GRID1: variants seen among roughly 807,000 people sequenced by gnomAD.
GRID1 encodes the protein glutamate receptor ionotropic, delta-1.
A neutral mutation model predicts 98.0 loss-of-function variants in GRID1; 28 were observed. That is an observed-to-expected ratio of 0.29 (90% CI 0.21 to 0.39). The LOEUF (loss-of-function observed/expected upper bound fraction) is 0.39. GRID1 is among the 10% of genes least tolerant of loss of function. The pLI, the probability that GRID1 is intolerant of heterozygous loss-of-function variation, is 1.00. For synonymous variants in GRID1, 553 were observed against 538.5 expected (o/e 1.03, Z -0.37); for missense variants, 1,111 against 1,340.5 (o/e 0.83, Z 2.67).
intron 5 of GRID1, among the ~76,000 whole-genome samples, chr10:85,874,699 T>C (rs2131797575): frequency 6.6e-6 from 1 of 152,356 alleles, no homozygotes; most frequent in Admixed American, 6.5e-5. Flanking sequence ...AGGCTGGCTT[T>C]GTAGCTTACC....
At chr10:85,696,947 T>C (rs1026822281) in intron 12 of GRID1, among the ~76,000 whole-genome samples, 1 of 152,076 alleles carries the variant, frequency 6.6e-6, no homozygotes, top group Non-Finnish European at 1.5e-5. Context: ...AGATTGTTTA[T>C]TTTTATTGAT....
intron 6 of GRID1, among the ~76,000 whole-genome samples, chr10:85,858,703 C>T (rs1456378529): frequency 6.6e-6 from 1 of 152,162 alleles, no homozygotes; most frequent in African/African-American, 2.4e-5. Context: ...TTTCTCTTCT[C>T]AAGACATTCA....
chr10:85,898,039 A>T (rs1280260714), intron 5 of GRID1, among the ~76,000 whole-genome samples: 1 of 152,216 alleles, frequency 6.6e-6, no homozygotes, highest in Non-Finnish European at 1.5e-5. Flanking sequence ...AGAACATCAT[A>T]GAGGGTACTT....
intron 4 of GRID1, among the ~76,000 whole-genome samples, chr10:85,948,078 A>G (rs150477948): frequency 6.6e-6 from 1 of 152,364 alleles, no homozygotes; most frequent in African/African-American, 2.4e-5. Context: ...GGACATTAGT[A>G]GAAAAACTAG....
intron 5 of GRID1, among the ~76,000 whole-genome samples, chr10:85,903,958 C>T (rs1172165336): frequency 6.6e-6 from 1 of 152,154 alleles, no homozygotes; most frequent in Non-Finnish European, 1.5e-5. Flanking sequence ...CTTCTCCCAA[C>T]AGATTTCTCA....
At chr10:86,078,656 C>T (rs1349054989) in intron 4 of GRID1, among the ~76,000 whole-genome samples, 1 of 152,254 alleles carries the variant, frequency 6.6e-6, no homozygotes, top group South Asian at 2.1e-4. Context: ...CCTTCAGCAC[C>T]GGACCCTTCC....
At chr10:85,909,028 A>G (rs577975388) in intron 5 of GRID1, among the ~76,000 whole-genome samples, 3 of 152,358 alleles carry the variant, frequency 2.0e-5, no homozygotes, top group East Asian at 3.9e-4. Flanking sequence ...TACAAAGTAT[A>G]TATCTGATTT....
At chr10:86,218,885 C>T (rs184024062) in intron 2 of GRID1, among the ~76,000 whole-genome samples, 167 of 152,362 alleles carry the variant, frequency 1.1e-3, no homozygotes, top group African/African-American at 3.8e-3. Flanking sequence ...GGACCCCCAG[C>T]TCTGGATGCC....
At chr10:85,776,201 A>G (rs760187365) in intron 8 of GRID1, among the ~76,000 whole-genome samples, 3 of 152,126 alleles carry the variant, frequency 2.0e-5, no homozygotes, top group Non-Finnish European at 4.4e-5. Flanking sequence ...CTGCTCCAAG[A>G]GAAGACTACA....
chr10:85,985,727 A>C (rs1017187781), intron 4 of GRID1, among the ~76,000 whole-genome samples: 4 of 152,108 alleles, frequency 2.6e-5, no homozygotes, highest in African/African-American at 9.7e-5. Context: ...CCATCTTTCT[A>C]CTGGACCTCA....
intron 2 of GRID1, among the ~76,000 whole-genome samples, chr10:86,263,080 C>T (rs1463011797): frequency 6.6e-6 from 1 of 152,152 alleles, no homozygotes; most frequent in Non-Finnish European, 1.5e-5. Flanking sequence ...TGTTCGCGGG[C>T]CCGGGTGCTG....
intron 4 of GRID1, among the ~76,000 whole-genome samples, chr10:86,116,539 G>A (rs79758153): frequency 0.029 from 4,380 of 152,232 alleles, 225 homozygotes; most frequent in African/African-American, 0.1. Context: ...CTGCTTGTGG[G>A]AGAACGATGG....
chr10:85,818,385 T>G (rs185680353), intron 8 of GRID1, among the ~76,000 whole-genome samples: 74 of 152,344 alleles, frequency 4.9e-4, no homozygotes, highest in African/African-American at 1.8e-3. Context: ...TGTGTGTGCA[T>G]ACATGAGTTA....
In GRID1 at chr10:86,349,295, G is replaced by T. The variant is rs146837580; in HGVS notation, c.235+14646C>A. 7.5e-3 allele frequency among the ~76,000 whole-genome samples: 1,135 copies of T among 152,338 alleles called. 15 individuals are homozygous for T. Among genetic ancestry groups the T allele is most frequent in the African/African-American group, 0.026 (1,061 of 41,566 alleles). On this transcript the variant is annotated intron_variant, in intron 2 of 15. Transcript: ENST00000327946. The stretch of plus-strand genomic sequence containing the variant: ...AAGCCACCAGAAAATTCCCAGGTGG[G>T]AGAAGAGAAGAGAAACCCAAGTTCT...
At chr10:85,951,401 T>C (rs988096146) in intron 4 of GRID1, among the ~76,000 whole-genome samples, 1 of 151,870 alleles carries the variant, frequency 6.6e-6, no homozygotes, top group African/African-American at 2.4e-5. Context: ...TATATTTCTG[T>C]ATTTCTGCTT....
At position 85,743,114 on chromosome 10, in the gene GRID1, C is replaced by G. The variant is rs12763515; in HGVS notation, c.1234-13500G>C. On this transcript the variant is annotated intron_variant, in intron 8 of 15. Coordinates refer to ENST00000327946, the MANE Select transcript of GRID1 (RefSeq NM_017551.3). Reference sequence around the variant, plus strand: ...AGGATAGAATTATGCAGCCCCCCCCCCCACCACCCATTGAGAACCAATTAT... The same window carrying G: ...AGGATAGAATTATGCAGCCCCCCCCGCCACCACCCATTGAGAACCAATTAT... Among the ~76,000 whole-genome samples, 240 of 134,490 alleles carry G rather than the reference C, an allele frequency of 1.8e-3. 22 individuals carry two copies. Among genetic ancestry groups the G allele is most frequent in the South Asian group, 0.015 (52 of 3,358 alleles). The allele number at this position is 134,490 out of a possible 152,430, so 88.2% of individuals were successfully genotyped here. A position where few individuals can be genotyped will look rare whatever the true frequency, so the allele number is the denominator to read the frequency against.
intron 10 of GRID1, among the ~76,000 whole-genome samples, chr10:85,725,191 C>A (rs1841748864): frequency 6.6e-6 from 1 of 152,152 alleles, no homozygotes; most frequent in African/African-American, 2.4e-5. Flanking sequence ...ATGGTGAGTT[C>A]TACAACTATG....
chr10:85,948,690 GT>G (rs1480784824), intron 4 of GRID1, among the ~76,000 whole-genome samples: 1 of 152,100 alleles, frequency 6.6e-6, no homozygotes, highest in Non-Finnish European at 1.5e-5. Flanking sequence ...TAGTAGTTTT[GT>G]TTTTGATGCA....
chr10:86,287,480 G>A (rs1847448847), intron 2 of GRID1, among the ~76,000 whole-genome samples: 1 of 152,196 alleles, frequency 6.6e-6, no homozygotes, highest in Non-Finnish European at 1.5e-5. Flanking sequence ...ATGAACTACT[G>A]CACAGTGCTT....
Sources: allele counts gnomAD v4.1 joint callset (sites outside exome capture counted in the v4.1 genomes callset), GRCh38; gene constraint gnomAD v4.1.1; transcripts MANE v1.5; gene names NCBI Gene and HGNC (gene_info 2026-07-23, HGNC 2026-07-21).